KIF15: variants seen among roughly 807,000 people sequenced by gnomAD.
KIF15 encodes the protein kinesin family member 15.
KIF15 carries 140 observed loss-of-function variants against 190.6 expected under a neutral mutation model. That is an observed-to-expected ratio of 0.73 (90% CI 0.64 to 0.84). The LOEUF (loss-of-function observed/expected upper bound fraction) is 0.84, where lower values mean the gene tolerates loss of function less well. Ranked by LOEUF, KIF15 falls within the 40% of genes least tolerant of loss-of-function variation. KIF15 has a pLI of 0.00. For synonymous variants in KIF15, 528 were observed against 551.3 expected, an observed-to-expected ratio of 0.96 and a Z score of 0.59; for missense variants, 1,372 against 1,584.4, an observed-to-expected ratio of 0.87 and a Z score of 2.28.
intron 26 of KIF15, among the ~76,000 whole-genome samples, chr3:44,831,708 A>G (rs1342679830): frequency 6.6e-6 from 1 of 152,224 alleles, no homozygotes; most frequent in East Asian, 1.9e-4. Flanking sequence ...CTTTTTAAAA[A>G]TTAGTATATA....
At chr3:44,786,291 A>G in intron 6 of KIF15, 104 bp from the exon 7 acceptor site, 1 of 864,010 alleles carries the variant, frequency 1.2e-6, no homozygotes. Context: ...GGATAATAGC[A>G]TAGGAAATTT....
At position 44,802,868 on chromosome 3, in the gene KIF15, G is replaced by T. The variant is rs905279574; in HGVS notation, c.1564G>T (p.Glu522Ter). The change falls in exon 14 of 35, where the codon GAG becomes TAG. Residue 522 changes from glutamate (E) to a stop codon, truncating the protein, a stop_gained. Coordinates refer to ENST00000326047, the MANE Select transcript of KIF15 (RefSeq NM_020242.3). LOFTEE classifies it high-confidence loss of function. The stretch of plus-strand genomic sequence containing the variant: ...TGCTATGGAAAATCATTCCCTCAGG[G>T]AGGAGAATAGAAGACTGAGATTATT... The part of the protein sequence containing the change: ...KYAMENHSLR[E>*]ENRRLRLLEP... 6.2e-7 allele frequency: 1 copy of T among 1,609,832 alleles called. No individual in the cohort carries two copies. Among genetic ancestry groups the T allele is most frequent in the Non-Finnish European group, 8.5e-7 (1 of 1,178,890 alleles).
At chr3:44,761,928 A>C in intron 1 of KIF15, 44 bp downstream of exon 1, 2 of 1,613,884 alleles carry the variant, frequency 1.2e-6, no homozygotes, top group Non-Finnish European at 1.7e-6. Context: ...TTTGCCCCCA[A>C]ATACAGCTGT....
chr3:44,793,754 TTC>T (rs1412485606), intron 7 of KIF15, among the ~76,000 whole-genome samples: 4 of 152,236 alleles, frequency 2.6e-5, no homozygotes, highest in Non-Finnish European at 5.9e-5. Flanking sequence ...GTAAATATAT[TTC>T]TTTTTCCCTA....
intron 1 of KIF15, among the ~76,000 whole-genome samples, chr3:44,765,130 A>G (rs1705323967): frequency 6.6e-6 from 1 of 152,272 alleles, no homozygotes; most frequent in Non-Finnish European, 1.5e-5. Flanking sequence ...TGCCAGAACT[A>G]TCTACATTTG....
At chr3:44,763,797 C>T (rs530264403) in intron 1 of KIF15, among the ~76,000 whole-genome samples, 36 of 152,032 alleles carry the variant, frequency 2.4e-4, no homozygotes, top group Non-Finnish European at 4.6e-4. Flanking sequence ...AAGCAGTACT[C>T]GTGCCTCAGC....
intron 7 of KIF15, among the ~76,000 whole-genome samples, chr3:44,789,322 T>C (rs1248150189): frequency 6.6e-6 from 1 of 152,068 alleles, no homozygotes; most frequent in Non-Finnish European, 1.5e-5. Context: ...CATGAATTAC[T>C]TAGAAATGTG....
intron 26 of KIF15, among the ~76,000 whole-genome samples, chr3:44,831,277 C>T (rs1575664762): frequency 6.6e-6 from 1 of 152,118 alleles, no homozygotes; most frequent in African/African-American, 2.4e-5. Flanking sequence ...CCTCCTCTGG[C>T]AGTCTTATAC....
At chr3:44,764,367 T>C (rs999869961) in intron 1 of KIF15, among the ~76,000 whole-genome samples, 3 of 152,222 alleles carry the variant, frequency 2.0e-5, no homozygotes, top group Admixed American at 6.5e-5. Flanking sequence ...TGTATTCTTT[T>C]TTTATTCTGG....
intron 1 of KIF15, among the ~76,000 whole-genome samples, chr3:44,770,368 A>G (rs911244684): frequency 9.2e-5 from 14 of 152,134 alleles, no homozygotes. Context: ...CTCAGATAGG[A>G]CTTTCTAAAG....
intron 20 of KIF15, among the ~76,000 whole-genome samples, chr3:44,817,479 A>G (rs143850790): frequency 0.019 from 2,835 of 152,218 alleles, 74 homozygotes; most frequent in African/African-American, 0.063. Flanking sequence ...TTTTCCCAGC[A>G]CCATTTATTA....
chr3:44,839,951 A>G (rs1345413278), intron 27 of KIF15, among the ~76,000 whole-genome samples: 1 of 152,224 alleles, frequency 6.6e-6, no homozygotes, highest in East Asian at 1.9e-4. Flanking sequence ...AGTTGACTCC[A>G]TAGCTTGGCT....
intron 7 of KIF15, among the ~76,000 whole-genome samples, chr3:44,792,338 G>A (rs1433377752): frequency 6.6e-6 from 1 of 151,782 alleles, no homozygotes; most frequent in Non-Finnish European, 1.5e-5. Context: ...ATTAGGCATG[G>A]TGATGCATGC....
chr3:44,775,251 T>TA lies in KIF15; in HGVS notation c.63-2dup. The stretch of plus-strand genomic sequence containing the variant: ...ACTGTTACTTTCTTTTTTTTGTCTT[T>TA]AGTAATGAAGGTGATGCCATCAAAG... On this transcript the variant is annotated splice_region_variant and splice_polypyrimidine_tract_variant and intron_variant, in intron 2 of 34. Transcript: ENST00000326047. 1 of 1,609,822 alleles carries TA rather than the reference T, an allele frequency of 6.2e-7. No individual in the cohort carries two copies.
rs1215931664 is a variant in KIF15 at position 44,820,988 on chromosome 3, C to T, written c.2550-5051C>T. Among the ~76,000 whole-genome samples the T allele has an allele frequency of 4.0e-5, 6 of 148,506 alleles. 1 individual carries two copies. Among genetic ancestry groups the T allele is most frequent in the African/African-American group, 1.5e-4 (6 of 40,092 alleles). On this transcript the variant is annotated intron_variant, in intron 20 of 34. Coordinates refer to ENST00000326047, the MANE Select transcript of KIF15 (RefSeq NM_020242.3). The stretch of plus-strand genomic sequence containing the variant: ...GCTGGCCGGGCAGGGGGCTGACCCC[C>T]CCACCTCCCTCCCGGACGGGGCGGC...
intron 20 of KIF15, among the ~76,000 whole-genome samples, chr3:44,822,762 A>C (rs965289773): frequency 2.0e-5 from 3 of 151,772 alleles, no homozygotes; most frequent in African/African-American, 7.3e-5. Context: ...TTTGATCTTC[A>C]CTCAGTGATA....
intron 20 of KIF15, among the ~76,000 whole-genome samples, chr3:44,816,039 T>A (rs1708017118): frequency 6.6e-6 from 1 of 152,136 alleles, no homozygotes; most frequent in African/African-American, 2.4e-5. Flanking sequence ...CATTTTTCTT[T>A]TTTTTTTAAA....
At chr3:44,843,289 G>A in intron 30 of KIF15, 55 bp downstream of exon 30, 2 of 1,165,200 alleles carry the variant, frequency 1.7e-6, no homozygotes, top group East Asian at 4.7e-5. Context: ...CCTGTGTGGA[G>A]TTAAATGAGG....
chr3:44,792,321 C>CA (rs1706746763), intron 7 of KIF15, among the ~76,000 whole-genome samples: 1 of 151,464 alleles, frequency 6.6e-6, no homozygotes, highest in South Asian at 2.1e-4. Flanking sequence ...ATTAAAAATA[C>CA]AAAAAAATTA....
Sources: allele counts gnomAD v4.1 joint callset (sites outside exome capture counted in the v4.1 genomes callset), GRCh38; gene constraint gnomAD v4.1.1; transcripts MANE v1.5; gene names NCBI Gene and HGNC (gene_info 2026-07-23, HGNC 2026-07-21).